The following PALM2AKAP2 variants were observed in gnomAD, a reference collection of about 807,000 sequenced individuals.
The protein encoded by PALM2AKAP2 is PALM2 and AKAP2 fusion, also known as PALM2-AKAP2 fusion protein.
Under a neutral mutation model 71.5 loss-of-function variants are expected in PALM2AKAP2, and 37 were observed. That is an observed-to-expected ratio of 0.52 (90% confidence interval 0.40 to 0.68). PALM2AKAP2 has a LOEUF of 0.68. Among genes scored for constraint, PALM2AKAP2 ranks in the 30% least tolerant of loss-of-function variants. PALM2AKAP2 has a pLI of 0.00. For missense variants in PALM2AKAP2, 1,224 were observed against 1,191.8 expected, an observed-to-expected ratio of 1.03 and a Z score of -0.40; for synonymous variants, 468 against 478.8, an observed-to-expected ratio of 0.98 and a Z score of 0.29.
chr9:109,771,090 C>T (rs2118765800), intron 1 of PALM2AKAP2, among the ~76,000 whole-genome samples: 1 of 152,294 alleles, frequency 6.6e-6, no homozygotes, highest in African/African-American at 2.4e-5. Flanking sequence ...ATCATGGTGG[C>T]TTATGGGACA....
intron 7 of PALM2AKAP2, among the ~76,000 whole-genome samples, chr9:110,025,879 A>G (rs1401670221): frequency 6.6e-6 from 1 of 152,046 alleles, no homozygotes; most frequent in Non-Finnish European, 1.5e-5. Context: ...AGTTTGTTCA[A>G]TTATTAAATT....
At chr9:109,801,708 ATGTG>A (rs142422555) in intron 1 of PALM2AKAP2, among the ~76,000 whole-genome samples, 4 of 149,196 alleles carry the variant, frequency 2.7e-5, no homozygotes, top group Non-Finnish European at 4.5e-5. Flanking sequence ...AGGTGTTGAT[ATGTG>A]TGTGTGTGTG....
At chr9:110,154,488 TAAGG>T (rs1351150598) in intron 2 of PALM2AKAP2, among the ~76,000 whole-genome samples, 1 of 152,162 alleles carries the variant, frequency 6.6e-6, no homozygotes, top group African/African-American at 2.4e-5. Context: ...TCAGCAAGTC[TAAGG>T]AAGGAAGGAA....
rs145715145 is a variant in PALM2AKAP2 at position 109,700,507 on chromosome 9, T to A, written c.5+59641T>A. On this transcript the variant is annotated intron_variant, in intron 1 of 6. Coordinates refer to the PALM2AKAP2 transcript ENST00000374531. ...CTTTGTTAGCTGCATGAGAACAGAC[T>A]AATACAGCACTCAATCCAATATTTT... Among the ~76,000 whole-genome samples, 203 of 152,330 alleles carry A rather than the reference T, an allele frequency of 1.3e-3. 3 individuals are homozygous for A. Among genetic ancestry groups the A allele is most frequent in the Admixed American group, 0.012 (186 of 15,300 alleles).
intron 2 of PALM2AKAP2, among the ~76,000 whole-genome samples, chr9:110,149,316 G>C (rs191957351): frequency 6.6e-6 from 1 of 152,178 alleles, no homozygotes; most frequent in Admixed American, 6.5e-5. Context: ...TTCCTTCTGA[G>C]CTCCTCTGGG....
chr9:109,684,859 G>A (rs139459455), intron 1 of PALM2AKAP2, among the ~76,000 whole-genome samples: 1 of 152,222 alleles, frequency 6.6e-6, no homozygotes, highest in East Asian at 1.9e-4. Flanking sequence ...AATGTCCATG[G>A]CAGCTTCATT....
intron 1 of PALM2AKAP2, among the ~76,000 whole-genome samples, chr9:109,770,123 G>A (rs1413308449): frequency 4.6e-5 from 7 of 152,228 alleles, no homozygotes; most frequent in Admixed American, 4.6e-4. Context: ...GGCTAGGTCA[G>A]AGGAGCTCTT....
At chr9:109,828,808 A>C (rs530301070) in intron 1 of PALM2AKAP2, among the ~76,000 whole-genome samples, 4 of 152,412 alleles carry the variant, frequency 2.6e-5, no homozygotes, top group Admixed American at 6.5e-5. Flanking sequence ...AAAGAATAGA[A>C]TAATATCAGC....
intron 6 of PALM2AKAP2, among the ~76,000 whole-genome samples, chr9:109,936,758 G>A (rs557818972): frequency 2.0e-4 from 31 of 152,296 alleles, no homozygotes; most frequent in African/African-American, 7.2e-4. Context: ...AGAAAATGAA[G>A]CCCCAAAATG....
Position 110,034,167 on chromosome 9 carries a change from G to GT in PALM2AKAP2, c.582+18135dup, listed in dbSNP as rs558227525. On this transcript the variant is annotated intron_variant, in intron 7 of 9. Coordinates refer to the PALM2AKAP2 transcript ENST00000302798. The stretch of plus-strand genomic sequence containing the variant: ...TTTCTTTCTTTCCTTTTTTTCTATT[G>GT]TTTTTTTGAGATGGAGTTTCACTCC... 9.9e-5 allele frequency among the ~76,000 whole-genome samples: 15 copies of GT among 152,042 alleles called. No homozygotes were observed. The South Asian group carries it at 1.2e-3, about 13-fold the overall frequency.
intron 1 of PALM2AKAP2, among the ~76,000 whole-genome samples, chr9:109,781,459 C>A (rs1829448253): frequency 6.6e-6 from 1 of 152,228 alleles, no homozygotes. Flanking sequence ...ATTCTTCCAC[C>A]TAAATACATT....
intron 1 of PALM2AKAP2, among the ~76,000 whole-genome samples, chr9:109,854,813 C>G (rs1279660047): frequency 9.2e-6 from 1 of 108,416 alleles, no homozygotes; most frequent in South Asian, 3.3e-4. Context: ...GCTCTATCAT[C>G]AGGCTGGAGT....
intron 1 of PALM2AKAP2, among the ~76,000 whole-genome samples, chr9:110,075,976 TA>T (rs565075290): frequency 2.7e-4 from 41 of 152,230 alleles, no homozygotes; most frequent in East Asian, 7.7e-4. Context: ...TCAAAAGTGT[TA>T]AAAAAATTCA....
At chr9:109,914,820 C>T (rs1488987215) in intron 3 of PALM2AKAP2, among the ~76,000 whole-genome samples, 6 of 152,208 alleles carry the variant, frequency 3.9e-5, no homozygotes, top group Non-Finnish European at 8.8e-5. Context: ...AGCCCATCGT[C>T]AGGAATATGC....
At chr9:109,996,025 A>G (rs1202140991) in intron 6 of PALM2AKAP2, among the ~76,000 whole-genome samples, 1 of 152,196 alleles carries the variant, frequency 6.6e-6, no homozygotes, top group Non-Finnish European at 1.5e-5. Context: ...AAGGAATGTC[A>G]CAGACCACCA....
chr9:109,746,849 G>GATGTGGCTAGATGTGGCTC (rs1221049986), intron 1 of PALM2AKAP2, among the ~76,000 whole-genome samples: 4 of 152,228 alleles, frequency 2.6e-5, no homozygotes, highest in Non-Finnish European at 4.4e-5. Context: ...GTGGCTTCTA[G>GATGTGGCTAGATGTGGCTC]TTGGCAGCAG....
At chr9:110,156,378 C>T in exon 3 of PALM2AKAP2, 3 of 1,611,324 alleles carry the variant, frequency 1.9e-6, no homozygotes, top group Non-Finnish European at 2.5e-6. Context: ...CAGCTTGCAG[C>T]CTGACTTAGC....
chr9:110,030,353 A>G (rs1016701113), intron 7 of PALM2AKAP2, among the ~76,000 whole-genome samples: 2 of 152,222 alleles, frequency 1.3e-5, no homozygotes, highest in Admixed American at 6.5e-5. Flanking sequence ...TTCCTGCTAT[A>G]TGAGTTGCTA....
chr9:109,708,759 T>C (rs2118601628), intron 1 of PALM2AKAP2, among the ~76,000 whole-genome samples: 1 of 152,326 alleles, frequency 6.6e-6, no homozygotes, highest in South Asian at 2.1e-4. Context: ...AATCCAAAAA[T>C]AAAATTACCA....
Sources: allele counts gnomAD v4.1 joint callset (sites outside exome capture counted in the v4.1 genomes callset), GRCh38; gene constraint gnomAD v4.1.1; transcripts MANE v1.5; gene names NCBI Gene and HGNC (gene_info 2026-07-23, HGNC 2026-07-21).